ACAP2: variants seen among roughly 807,000 people sequenced by gnomAD.
ACAP2 encodes arf-GAP with coiled-coil, ANK repeat and PH domain-containing protein 2.
In ACAP2, 39 loss-of-function variants were observed where a neutral mutation model predicts 115.8. The observed-to-expected ratio is 0.34, with a 90% confidence interval of 0.26 to 0.44. The LOEUF (loss-of-function observed/expected upper bound fraction) is 0.44, where lower values mean the gene tolerates loss of function less well. ACAP2 is among the 20% of genes least tolerant of loss of function. ACAP2 has a pLI of 1.00. For missense variants in ACAP2, 662 were observed against 927.6 expected (o/e 0.71, Z 3.72); for synonymous variants, 289 against 315.8 (o/e 0.92, Z 0.90).
At chr3:195,333,258 G>T in intron 7 of ACAP2, 135 bp from the exon 8 acceptor site, 1 of 395,040 alleles carries the variant, frequency 2.5e-6, no homozygotes, top group Non-Finnish European at 4.3e-6. Context: ...CTGGCATGCA[G>T]TGGCATGGAC....
At position 195,341,419 on chromosome 3, in the gene ACAP2, G is replaced by C. The variant is rs539025263; in HGVS notation, c.528+1052C>G. On this transcript the variant is annotated intron_variant, in intron 6 of 22. Coordinates refer to ENST00000326793, the MANE Select transcript of ACAP2 (RefSeq NM_012287.6). ...AGCTCACTGCAAGCTCCGCCTCCTG[G>C]GTTCACGCCATTCTCCTGCCTCAGC... is the stretch of plus-strand genomic sequence containing the variant. Among the ~76,000 whole-genome samples, 16 of 146,842 alleles carry C rather than the reference G, an allele frequency of 1.1e-4. No individual in the cohort carries two copies. In the East Asian group the frequency reaches 2.0e-3, roughly 18 times the overall value.
intron 4 of ACAP2, among the ~76,000 whole-genome samples, chr3:195,360,612 T>C (rs986344703): frequency 6.6e-6 from 1 of 152,130 alleles, no homozygotes; most frequent in Non-Finnish European, 1.5e-5. Flanking sequence ...CTGGCCAACA[T>C]GGTGAAACCC....
At chr3:195,326,799 G>A in intron 9 of ACAP2, 86 bp downstream of exon 9, 1 of 1,168,084 alleles carries the variant, frequency 8.6e-7, no homozygotes, top group South Asian at 1.3e-5. Flanking sequence ...CAAAAGATTT[G>A]TTCCAATACA....
At chr3:195,318,004 A>C (rs903795821) in intron 10 of ACAP2, among the ~76,000 whole-genome samples, 2 of 152,150 alleles carry the variant, frequency 1.3e-5, no homozygotes, top group Non-Finnish European at 1.5e-5. Context: ...TGGGTCATGC[A>C]GGCGGTTTTC....
At chr3:195,298,681 G>A (rs1056764307) in intron 15 of ACAP2, among the ~76,000 whole-genome samples, 10 of 151,740 alleles carry the variant, frequency 6.6e-5, no homozygotes, top group African/African-American at 2.2e-4. Flanking sequence ...GCCCAGGCTG[G>A]AGTGCAATGG....
chr3:195,285,856 A>G lies in ACAP2; in HGVS notation c.2176T>C (p.Leu726=). 1 of 1,608,582 alleles carries G rather than the reference A, an allele frequency of 6.2e-7. No homozygotes were observed. The highest frequency in any genetic ancestry group is 8.5e-7 in the Non-Finnish European group (1 of 1,177,574). ...EAANADIVTL[L]RLARMNEEMR... ...TCTTCATTCATTCTTGCTAAACGTA[A>G]CCTAAAAATAAATAAAATAGTGTTT... Residue 726 remains leucine, a splice_region_variant and synonymous_variant, in exon 22 of 23, where the codon TTA becomes CTA. Coordinates refer to ENST00000326793, the MANE Select transcript of ACAP2 (RefSeq NM_012287.6).
At chr3:195,317,354 T>C (rs566263042) in intron 10 of ACAP2, among the ~76,000 whole-genome samples, 1 of 152,336 alleles carries the variant, frequency 6.6e-6, no homozygotes, top group African/African-American at 2.4e-5. Flanking sequence ...TGTCCATTTT[T>C]TTAAAATAAA....
At chr3:195,393,891 G>GA (rs1409741754) in intron 1 of ACAP2, among the ~76,000 whole-genome samples, 3 of 143,776 alleles carry the variant, frequency 2.1e-5, no homozygotes, top group African/African-American at 7.6e-5. Context: ...TATTGGGGGG[G>GA]GGGGAAGCAA....
rs143624056 is a variant in ACAP2, at chr3:195,325,340, T to C, written c.744+1545A>G. 2,494 of 419,368 alleles carry C rather than the reference T, an allele frequency of 5.9e-3. 44 individuals carry two copies. The highest frequency in any genetic ancestry group is 0.043 in the African/African-American group (2,048 of 47,642). 26.0% of individuals were successfully genotyped at this position (419,368 alleles called of 1,614,324 possible). ...GTTCAAAGCACCACTGTTTCTCCAA[T>C]TGATCAATTTAAATTTTTGAAAAAA... On this transcript the variant is annotated intron_variant, in intron 9 of 22. Coordinates refer to ENST00000326793, the MANE Select transcript of ACAP2 (RefSeq NM_012287.6).
chr3:195,405,961 T>A (rs1712736912), intron 1 of ACAP2, among the ~76,000 whole-genome samples: 1 of 152,128 alleles, frequency 6.6e-6, no homozygotes. Flanking sequence ...AAACCATTCA[T>A]GAGAAACTGC....
intron 2 of ACAP2, among the ~76,000 whole-genome samples, chr3:195,389,145 C>CA (rs1734492602): frequency 6.6e-6 from 1 of 151,700 alleles, no homozygotes; most frequent in Admixed American, 6.6e-5. Flanking sequence ...GTCAGGTTTC[C>CA]ATGTGTCTTG....
chr3:195,357,559 G>GTCC (rs2108685787), intron 4 of ACAP2: 1 of 152,310 alleles, frequency 6.6e-6, no homozygotes, highest in African/African-American at 2.4e-5. Context: ...ATCTGACGAA[G>GTCC]TACAGTCCCA....
intron 4 of ACAP2, among the ~76,000 whole-genome samples, chr3:195,380,565 T>C (rs1018094252): frequency 4.6e-5 from 7 of 152,142 alleles, no homozygotes; most frequent in African/African-American, 7.2e-5. Flanking sequence ...AACACACATA[T>C]AAATAGCTCA....
At chr3:195,369,113 A>G (rs900113241) in intron 4 of ACAP2, among the ~76,000 whole-genome samples, 2 of 151,846 alleles carry the variant, frequency 1.3e-5, no homozygotes, top group East Asian at 3.9e-4. Flanking sequence ...AAAAAAGAGG[A>G]AGAAATTAAG....
chr3:195,395,716 A>G (rs1232196480), intron 1 of ACAP2, among the ~76,000 whole-genome samples: 2 of 152,318 alleles, frequency 1.3e-5, no homozygotes, highest in East Asian at 3.9e-4. Context: ...CAGAAAGTTT[A>G]CTGACCATTA....
At chr3:195,424,283 A>ATATTTTT (rs1179576221) in intron 1 of ACAP2, among the ~76,000 whole-genome samples, 1 of 54,112 alleles carries the variant, frequency 1.8e-5, no homozygotes, top group Non-Finnish European at 3.1e-5. Context: ...ATATATATAT[A>ATATTTTT]TTTTTTTTTT....
intron 4 of ACAP2, among the ~76,000 whole-genome samples, chr3:195,372,743 G>C (rs1733241341): frequency 6.6e-6 from 1 of 152,124 alleles, no homozygotes; most frequent in South Asian, 2.1e-4. Flanking sequence ...GAGCCCAGGA[G>C]ATAGAGGCTG....
chr3:195,281,297 C>G (rs879505127), intron 22 of ACAP2, among the ~76,000 whole-genome samples: 1 of 151,638 alleles, frequency 6.6e-6, no homozygotes. Context: ...CCCAGCTACT[C>G]GGGAGGCCAA....
intron 3 of ACAP2, 138 bp from the exon 4 acceptor site, chr3:195,381,200 C>T (rs573435577): frequency 1.1e-5 from 7 of 654,590 alleles, no homozygotes; most frequent in South Asian, 1.0e-4. Context: ...GACAATCTCA[C>T]ACTACCTTAT....
Sources: allele counts gnomAD v4.1 joint callset (sites outside exome capture counted in the v4.1 genomes callset), GRCh38; gene constraint gnomAD v4.1.1; transcripts MANE v1.5; gene names NCBI Gene and HGNC (gene_info 2026-07-23, HGNC 2026-07-21).